The following GXYLT2 variants were observed in gnomAD, a reference collection of about 807,000 sequenced individuals.
The protein encoded by GXYLT2 is glucoside xylosyltransferase 2, also known as glycosyltransferase 8 domain containing 4.
GXYLT2 carries 53 observed loss-of-function variants against 45.8 expected under a neutral mutation model. That is an observed-to-expected ratio of 1.16 (90% confidence interval 0.93 to 1.46). The LOEUF (loss-of-function observed/expected upper bound fraction) is 1.46. Among genes scored for constraint, GXYLT2 ranks in the 40% most tolerant of loss-of-function variants. The pLI is 0.00. For synonymous variants in GXYLT2, 219 were observed against 214.2 expected (o/e 1.02, Z -0.19); for missense variants, 551 against 544.4 (o/e 1.01, Z -0.12).
At chr3:72,903,344 G>A (rs1709442943) in intron 1 of GXYLT2, among the ~76,000 whole-genome samples, 1 of 152,068 alleles carries the variant, frequency 6.6e-6, no homozygotes. Flanking sequence ...TTAGAACTTG[G>A]GTAAACTTGA....
intron 2 of GXYLT2, among the ~76,000 whole-genome samples, chr3:72,916,972 A>C (rs149544899): frequency 4.1e-4 from 62 of 152,264 alleles, no homozygotes; most frequent in African/African-American, 1.4e-3. Context: ...TAACTTGAAA[A>C]GAATGAATGA....
chr3:72,948,835 CAAAAAAAAA>C (rs1234193329), intron 3 of GXYLT2, among the ~76,000 whole-genome samples: 1 of 74,972 alleles, frequency 1.3e-5, no homozygotes, highest in Admixed American at 1.5e-4. Flanking sequence ...GATTCTGTCT[CAAAAAAAAA>C]AAAAAAAAAA....
chr3:72,931,518 C>T (rs9820819), intron 3 of GXYLT2, among the ~76,000 whole-genome samples: 79,925 of 151,816 alleles, frequency 0.53, 22,913 homozygotes, highest in Non-Finnish European at 0.62. Flanking sequence ...CGTGAGCCAC[C>T]GCGCCCGGCC....
Position 72,911,067 on chromosome 3 carries a change from G to A in GXYLT2, c.468+2508G>A, listed in dbSNP as rs935782369. 3.3e-5 allele frequency among the ~76,000 whole-genome samples: 5 copies of A among 152,146 alleles called. 1 individual carries two copies. The South Asian group carries it at 8.3e-4, about 25-fold the overall frequency. On this transcript the variant is annotated intron_variant, in intron 2 of 6. Transcript: ENST00000389617. ...AGCACTTTGCGAAGCTGAGGCGGGC[G>A]GATCACCTGAGGTCAGGAGTTCGAG... is the stretch of plus-strand genomic sequence containing the variant.
chr3:72,912,004 TATATATA>T (rs1709635687), intron 2 of GXYLT2, among the ~76,000 whole-genome samples: 1 of 129,908 alleles, frequency 7.7e-6, no homozygotes, highest in African/African-American at 3.6e-5. Context: ...TATATATATA[TATATATA>T]TATTTTTTTT....
At chr3:72,941,116 T>C (rs1332460302) in intron 3 of GXYLT2, among the ~76,000 whole-genome samples, 1 of 152,222 alleles carries the variant, frequency 6.6e-6, no homozygotes, top group South Asian at 2.1e-4. Flanking sequence ...CGTGAAGGTA[T>C]AGGCCTCTTT....
At chr3:72,930,580 TTTCTTC>T (rs796266621) in intron 3 of GXYLT2, among the ~76,000 whole-genome samples, 4 of 134,606 alleles carry the variant, frequency 3.0e-5, no homozygotes, top group African/African-American at 1.1e-4. Flanking sequence ...TCTTTTTCTT[TTTCTTC>T]TTCTTCTTTT....
intron 6 of GXYLT2, among the ~76,000 whole-genome samples, chr3:72,974,167 A>G (rs891941152): frequency 4.6e-5 from 7 of 152,212 alleles, no homozygotes; most frequent in Non-Finnish European, 1.0e-4. Flanking sequence ...GATTGTAATA[A>G]AACTTTGATA....
intron 1 of GXYLT2, among the ~76,000 whole-genome samples, chr3:72,904,157 A>G (rs1012783753): frequency 3.9e-5 from 6 of 152,244 alleles, no homozygotes; most frequent in African/African-American, 1.4e-4. Context: ...GTTATTAACC[A>G]TCAGTCACAG....
At chr3:72,948,970 C>T (rs777586680) in intron 3 of GXYLT2, among the ~76,000 whole-genome samples, 4 of 151,886 alleles carry the variant, frequency 2.6e-5, no homozygotes, top group Non-Finnish European at 4.4e-5. Flanking sequence ...CCTTGGACTT[C>T]GGGTGAGGAA....
At chr3:72,913,039 T>C (rs532076008) in intron 2 of GXYLT2, among the ~76,000 whole-genome samples, 55 of 150,874 alleles carry the variant, frequency 3.6e-4, no homozygotes, top group African/African-American at 1.3e-3. Flanking sequence ...TTTTTTGTTT[T>C]TTTTTTTGTT....
chr3:72,927,391 ATCTTC>A (rs1008675719), intron 3 of GXYLT2, among the ~76,000 whole-genome samples: 5 of 152,176 alleles, frequency 3.3e-5, no homozygotes, highest in Admixed American at 3.3e-4. Context: ...ACAATGTATA[ATCTTC>A]TCTTTTCTAC....
At chr3:72,945,244 C>T (rs982535938) in intron 3 of GXYLT2, among the ~76,000 whole-genome samples, 7 of 151,770 alleles carry the variant, frequency 4.6e-5, no homozygotes, top group African/African-American at 7.3e-5. Context: ...GCTGAGATCG[C>T]GCCACTGCAC....
Position 72,975,095 on chromosome 3 carries a change from AAAC to A in GXYLT2, c.1271_1273del (p.Thr424del), listed in dbSNP as rs1711069964. On this transcript the variant is annotated inframe_deletion, in exon 7 of 7. Coordinates refer to ENST00000389617, the MANE Select transcript of GXYLT2 (RefSeq NM_001080393.2). ...CAAGTTTTTCTGAAGCAAATTGAGA[AAAC>A]AATGAAAAGGGCTTATGAGAAACAC... 7 of 1,613,896 alleles carry A rather than the reference AAAC, an allele frequency of 4.3e-6. No homozygotes were observed. Among genetic ancestry groups the A allele is most frequent in the Non-Finnish European group, 5.9e-6 (7 of 1,179,824 alleles).
intron 3 of GXYLT2, among the ~76,000 whole-genome samples, chr3:72,925,111 G>A (rs1709894527): frequency 6.6e-6 from 1 of 151,876 alleles, no homozygotes; most frequent in African/African-American, 2.4e-5. Flanking sequence ...GCAGCGATCA[G>A]CTGCCCAAGC....
At chr3:72,929,075 A>T (rs1709975920) in intron 3 of GXYLT2, 3 of 1,588,796 alleles carry the variant, frequency 1.9e-6, no homozygotes. Flanking sequence ...GGTGCGCCAG[A>T]GCTACCACCA....
intron 2 of GXYLT2, among the ~76,000 whole-genome samples, chr3:72,911,991 G>GTATATATATATATA (rs1285660987): frequency 7.6e-6 from 1 of 131,816 alleles, no homozygotes; most frequent in Admixed American, 7.7e-5. Flanking sequence ...GTGTGTGTGT[G>GTATATATATATATA]TGTATATATA....
chr3:72,904,225 A>G (rs1709460895), intron 1 of GXYLT2, among the ~76,000 whole-genome samples: 1 of 152,258 alleles, frequency 6.6e-6, no homozygotes, highest in South Asian at 2.1e-4. Context: ...TCAAGGGGTT[A>G]AGAAGTCCTA....
chr3:72,908,180 AAATATGGG>A (rs1339062696), intron 1 of GXYLT2, 179 bp from the exon 2 acceptor site: 2 of 562,624 alleles, frequency 3.6e-6, no homozygotes, highest in Admixed American at 3.4e-5. Flanking sequence ...TTGCCAGGAT[AAATATGGG>A]AATAAATGGT....
Sources: gnomAD v4.1 joint callset for allele counts (sites outside exome capture counted in the v4.1 genomes callset) on GRCh38, gnomAD v4.1.1 for gene constraint, MANE v1.5 for transcripts, NCBI Gene and HGNC (gene_info 2026-07-23, HGNC 2026-07-21) for gene names.